Variants in POU6F2 observed in about 807,000 individuals in gnomAD.
POU6F2 encodes the protein POU domain, class 6, transcription factor 2.
Under a neutral mutation model 71.3 loss-of-function variants are expected in POU6F2, and 31 were observed. The ratio of observed to expected loss-of-function variants is 0.43; its 90% CI spans 0.33 to 0.59. POU6F2 has a LOEUF of 0.59. POU6F2 is among the 20% of genes least tolerant of loss of function. POU6F2 has a pLI of 0.04. For missense variants in POU6F2, 783 were observed against 856.8 expected (o/e 0.91, Z 1.07); for synonymous variants, 347 against 355.7 (o/e 0.98, Z 0.27).
intron 5 of POU6F2, among the ~76,000 whole-genome samples, chr7:39,400,705 T>C (rs1234406535): frequency 6.6e-6 from 1 of 152,140 alleles, no homozygotes; most frequent in Non-Finnish European, 1.5e-5. Flanking sequence ...CCTTAAAAAT[T>C]CCTCTGTTAG....
intron 2 of POU6F2, among the ~76,000 whole-genome samples, chr7:39,111,324 C>T (rs1791808977): frequency 6.6e-6 from 1 of 152,120 alleles, no homozygotes; most frequent in African/African-American, 2.4e-5. Flanking sequence ...AGCTCCAACA[C>T]CAATTTCTTT....
At chr7:39,149,497 A>G (rs181500667) in intron 2 of POU6F2, among the ~76,000 whole-genome samples, 3 of 152,354 alleles carry the variant, frequency 2.0e-5, no homozygotes, top group African/African-American at 7.2e-5. Context: ...CATATCTGTC[A>G]TCTCACATAA....
intron 5 of POU6F2, among the ~76,000 whole-genome samples, chr7:39,352,657 G>C (rs1386770122): frequency 6.6e-6 from 1 of 152,122 alleles, no homozygotes; most frequent in Non-Finnish European, 1.5e-5. Flanking sequence ...TTTGTTTTCA[G>C]AAATAGTCAC....
intron 5 of POU6F2, among the ~76,000 whole-genome samples, chr7:39,342,565 TA>T (rs1213161843): frequency 6.6e-6 from 1 of 152,230 alleles, no homozygotes; most frequent in African/African-American, 2.4e-5. Context: ...CTATGCAATG[TA>T]GATTACCAGG....
chr7:39,197,363 C>T (rs770710811), intron 2 of POU6F2, among the ~76,000 whole-genome samples: 10 of 152,234 alleles, frequency 6.6e-5, no homozygotes, highest in Admixed American at 3.3e-4. Context: ...CGCCCATGTG[C>T]GATAGGTTGG....
intron 5 of POU6F2, among the ~76,000 whole-genome samples, chr7:39,362,791 G>T (rs545571329): frequency 6.6e-6 from 1 of 152,276 alleles, no homozygotes; most frequent in Admixed American, 6.5e-5. Context: ...TTTGATGTAG[G>T]TTAATCAGAG....
intron 1 of POU6F2, among the ~76,000 whole-genome samples, chr7:39,059,125 A>G (rs1411147067): frequency 6.6e-6 from 1 of 152,192 alleles, no homozygotes; most frequent in African/African-American, 2.4e-5. Flanking sequence ...GGAAATAATG[A>G]ATCAGTATAA....
At chr7:39,212,976 G>A (rs1271751389) in intron 4 of POU6F2, among the ~76,000 whole-genome samples, 3 of 152,142 alleles carry the variant, frequency 2.0e-5, no homozygotes, top group South Asian at 2.1e-4. Flanking sequence ...TTAATGGAAC[G>A]GTAGAGCTGA....
chr7:39,022,785 G>C (rs1407776800), intron 1 of POU6F2, among the ~76,000 whole-genome samples: 1 of 151,944 alleles, frequency 6.6e-6, no homozygotes, highest in East Asian at 1.9e-4. Flanking sequence ...GTTATTTCCA[G>C]TTCTGAGCTA....
chr7:38,992,008 C>T (rs1001028129), intron 1 of POU6F2, among the ~76,000 whole-genome samples: 7 of 152,148 alleles, frequency 4.6e-5, no homozygotes, highest in African/African-American at 1.4e-4. Context: ...CTAGAGACCA[C>T]ACAGGTTGTT....
chr7:39,213,378 A>G (rs192600545), intron 4 of POU6F2, among the ~76,000 whole-genome samples: 1 of 152,314 alleles, frequency 6.6e-6, no homozygotes, highest in East Asian at 1.9e-4. Flanking sequence ...GTTACATTAT[A>G]TTCCATTTTG....
At chr7:39,333,521 G>A (rs538990017) in intron 4 of POU6F2, among the ~76,000 whole-genome samples, 18 of 152,022 alleles carry the variant, frequency 1.2e-4, no homozygotes, top group African/African-American at 4.1e-4. Context: ...GGCAGATCAC[G>A]AGGTCAGGAG....
At chr7:39,352,629 G>A (rs1353921193) in intron 5 of POU6F2, among the ~76,000 whole-genome samples, 1 of 152,160 alleles carries the variant, frequency 6.6e-6, no homozygotes, top group Non-Finnish European at 1.5e-5. Context: ...TTCATAGTAA[G>A]CATACTCCAG....
At chr7:39,018,172 G>C (rs1329913831) in intron 1 of POU6F2, among the ~76,000 whole-genome samples, 1 of 152,140 alleles carries the variant, frequency 6.6e-6, no homozygotes, top group East Asian at 1.9e-4. Context: ...GAAATCTAGG[G>C]ATAGAACTGT....
rs764566655 is a variant in POU6F2 at position 39,290,752 on chromosome 7, A to C, written c.599-48890A>C. ...CTCTGCAGGACTTTATGTGGTGACT[A>C]CCTGTCCTCCTTCAGGGACTGCAGG... is the stretch of plus-strand genomic sequence containing the variant. On this transcript the variant is annotated intron_variant, in intron 4 of 9. Coordinates refer to ENST00000518318, the MANE Select transcript of POU6F2 (RefSeq NM_001370959.1). 8.6e-4 allele frequency among the ~76,000 whole-genome samples: 131 copies of C among 152,108 alleles called. 1 individual carries two copies. Among genetic ancestry groups the C allele is most frequent in the Non-Finnish European group, 4.3e-4 (29 of 68,030 alleles).
At chr7:39,182,316 A>C (rs903050267) in intron 2 of POU6F2, among the ~76,000 whole-genome samples, 1 of 152,144 alleles carries the variant, frequency 6.6e-6, no homozygotes, top group African/African-American at 2.4e-5. Flanking sequence ...ACATTCCTCA[A>C]ATGGACTACA....
chr7:39,340,576 A>G, intron 5 of POU6F2, among the ~76,000 whole-genome samples: 1 of 152,148 alleles, frequency 6.6e-6, no homozygotes, highest in East Asian at 1.9e-4. Context: ...ACAGACTAAC[A>G]AGTACTCTAA....
chr7:39,285,633 A>G (rs185129015), intron 4 of POU6F2, among the ~76,000 whole-genome samples: 509 of 152,372 alleles, frequency 3.3e-3, no homozygotes, highest in African/African-American at 0.012. Context: ...GTAAGGACCA[A>G]AAACCTTATG....
intron 5 of POU6F2, among the ~76,000 whole-genome samples, chr7:39,348,986 T>C (rs1008418395): frequency 6.6e-5 from 10 of 152,220 alleles, no homozygotes; most frequent in African/African-American, 2.4e-4. Flanking sequence ...TAATATCTCC[T>C]GTGAAAAATC....
Sources: gnomAD v4.1 joint callset for allele counts (sites outside exome capture counted in the v4.1 genomes callset) on GRCh38, gnomAD v4.1.1 for gene constraint, MANE v1.5 for transcripts, NCBI Gene and HGNC (gene_info 2026-07-23, HGNC 2026-07-21) for gene names.